The following NFATC3 variants were observed in gnomAD, a reference collection of about 807,000 sequenced individuals.
The protein encoded by NFATC3 is nuclear factor of activated T cells 3.
Under a neutral mutation model 98.6 loss-of-function variants are expected in NFATC3, and 46 were observed. The ratio of observed to expected loss-of-function variants is 0.47; its 90% CI spans 0.37 to 0.60. The LOEUF is 0.60. NFATC3 is among the 20% of genes least tolerant of loss of function. The pLI, the probability that NFATC3 is intolerant of heterozygous loss-of-function variation, is 0.00. For missense variants in NFATC3, 1,256 were observed against 1,295.5 expected, an observed-to-expected ratio of 0.97 and a Z score of 0.47; for synonymous variants, 512 against 472.2, an observed-to-expected ratio of 1.08 and a Z score of -1.09.
chr16:68,134,209 T>C (rs531293609), intron 3 of NFATC3, among the ~76,000 whole-genome samples: 64 of 152,350 alleles, frequency 4.2e-4, no homozygotes, highest in South Asian at 6.2e-4. Flanking sequence ...TTTTGAACTT[T>C]TTGTGATAGT....
At chr16:68,137,418 T>C (rs1433961834) in intron 3 of NFATC3, among the ~76,000 whole-genome samples, 1 of 152,156 alleles carries the variant, frequency 6.6e-6, no homozygotes, top group Non-Finnish European at 1.5e-5. Context: ...ACCACCATTA[T>C]ATACGGTCTG....
At chr16:68,114,389 C>T (rs1033141738) in intron 1 of NFATC3, among the ~76,000 whole-genome samples, 10 of 152,252 alleles carry the variant, frequency 6.6e-5, no homozygotes, top group African/African-American at 2.4e-4. Context: ...GCCATCTTGG[C>T]TCCTCCTGCC....
At chr16:68,156,902 A>G (rs996423169) in intron 3 of NFATC3, among the ~76,000 whole-genome samples, 1 of 151,984 alleles carries the variant, frequency 6.6e-6, no homozygotes, top group African/African-American at 2.4e-5. Context: ...TCGTACCACT[A>G]TACTCCAGCC....
chr16:68,177,032 C>CTTTTTTTTTTTTTTT (rs548092276), intron 6 of NFATC3, among the ~76,000 whole-genome samples: 39 of 133,068 alleles, frequency 2.9e-4, no homozygotes, highest in Admixed American at 3.8e-4. Flanking sequence ...CTTTTCTTTT[C>CTTTTTTTTTTTTTTT]TTTTTTTTTT....
intron 9 of NFATC3, among the ~76,000 whole-genome samples, chr16:68,223,894 CAAAAA>C (rs1190287100): frequency 1.7e-5 from 1 of 58,322 alleles, no homozygotes; most frequent in Non-Finnish European, 3.5e-5. Context: ...GACTCCATCT[CAAAAA>C]AAAAAAAAAA....
In NFATC3 at chr16:68,226,184, G is replaced by A. The variant is rs59658973; in HGVS notation, c.3107-166G>A. ...GGTCCAGAGTAGTTTGTGGAGCGATGTTTCCATCTCTAATGCCACTCAGCT... is the reference window on the plus strand; with the variant it reads ...GGTCCAGAGTAGTTTGTGGAGCGATATTTCCATCTCTAATGCCACTCAGCT... On this transcript the variant is annotated intron_variant, in intron 9 of 9. Coordinates refer to ENST00000346183, the MANE Select transcript of NFATC3 (RefSeq NM_173165.3). 1.5e-3 allele frequency: 1,090 copies of A among 716,834 alleles called. 12 individuals are homozygous for A. In the African/African-American group the frequency reaches 0.017, roughly 11 times the overall value. 44.4% of individuals were successfully genotyped at this position (716,834 alleles called of 1,614,324 possible).
At chr16:68,179,903 G>A (rs950560534) in intron 6 of NFATC3, among the ~76,000 whole-genome samples, 1 of 152,216 alleles carries the variant, frequency 6.6e-6, no homozygotes, top group African/African-American at 2.4e-5. Flanking sequence ...TAAGTGCACA[G>A]TATGGGAACA....
chr16:68,177,950 A>G (rs1289686555), intron 6 of NFATC3, among the ~76,000 whole-genome samples: 2 of 152,110 alleles, frequency 1.3e-5, no homozygotes, highest in South Asian at 2.1e-4. Context: ...ACAGCCAGCT[A>G]CTTACTCTCC....
chr16:68,180,982 T>C (rs573240914), intron 6 of NFATC3, among the ~76,000 whole-genome samples: 3 of 152,366 alleles, frequency 2.0e-5, no homozygotes, highest in South Asian at 2.1e-4. Flanking sequence ...CATGTGTCTT[T>C]ATAGCAGCAT....
Position 68,191,686 on chromosome 16 carries a change from A to T in NFATC3, c.3017A>T (p.Asp1006Val). ...TGTGATCCAGCGTCATTTCCACCTG[A>T]TGGGGCAACTGTGAGCATTAAACCT... ...SLCDPASFPPDGATVSIKPEP... is the reference protein window; with the variant it reads ...SLCDPASFPPVGATVSIKPEP... Residue 1006 changes from aspartate (D) to valine (V), a missense_variant, in exon 9 of 10, where the codon GAT (aspartate) becomes GTT (valine). Asp to Val is a radical substitution (Grantham distance 152, BLOSUM62 -3). Coordinates refer to ENST00000346183, the MANE Select transcript of NFATC3 (RefSeq NM_173165.3). 6.2e-7 allele frequency: 1 copy of T among 1,614,108 alleles called. No individual in the cohort carries two copies. Among genetic ancestry groups the T allele is most frequent in the Non-Finnish European group, 8.5e-7 (1 of 1,180,026 alleles).
intron 7 of NFATC3, among the ~76,000 whole-genome samples, chr16:68,182,049 G>A (rs2151626794): frequency 6.6e-6 from 1 of 152,230 alleles, no homozygotes; most frequent in South Asian, 2.1e-4. Flanking sequence ...ATATAGGGAA[G>A]GAGAAACTAG....
chr16:68,110,085 A>G (rs941654018), intron 1 of NFATC3, among the ~76,000 whole-genome samples: 4 of 151,882 alleles, frequency 2.6e-5, no homozygotes, highest in Admixed American at 1.3e-4. Context: ...GCTCACTGCA[A>G]CCTCCACCTC....
At chr16:68,226,019 T>A (rs767140392) in intron 9 of NFATC3, 1 of 178,392 alleles carries the variant, frequency 5.6e-6, no homozygotes, top group Non-Finnish European at 1.2e-5. Flanking sequence ...GGAGGTGGCA[T>A]TGTAGAAAAT....
chr16:68,222,588 C>G (rs973488037), intron 9 of NFATC3, among the ~76,000 whole-genome samples: 4 of 152,180 alleles, frequency 2.6e-5, no homozygotes, highest in African/African-American at 9.6e-5. Flanking sequence ...AAAATACACA[C>G]TGTGAAAATC....
At chr16:68,134,735 A>G (rs1346164235) in intron 3 of NFATC3, among the ~76,000 whole-genome samples, 1 of 152,056 alleles carries the variant, frequency 6.6e-6, no homozygotes, top group African/African-American at 2.4e-5. Context: ...GATACCTTTT[A>G]TCAGACTAAG....
chr16:68,225,034 C>G (rs1167848306), intron 9 of NFATC3: 1 of 152,188 alleles, frequency 6.6e-6, no homozygotes, highest in Non-Finnish European at 1.5e-5. Context: ...CTCACCGCAA[C>G]CTCCGCCTCC....
At chr16:68,114,981 T>C (rs1233815833) in intron 1 of NFATC3, among the ~76,000 whole-genome samples, 1 of 152,224 alleles carries the variant, frequency 6.6e-6, no homozygotes, top group Non-Finnish European at 1.5e-5. Context: ...GAAAGGCTAA[T>C]AGTCTTGTAA....
chr16:68,179,381 C>T (rs2039861464), intron 6 of NFATC3, among the ~76,000 whole-genome samples: 1 of 152,224 alleles, frequency 6.6e-6, no homozygotes, highest in Non-Finnish European at 1.5e-5. Flanking sequence ...GTGTCTGGCA[C>T]ATAAGGATCC....
At chr16:68,124,277 ATTTT>A (rs1245774290) in intron 2 of NFATC3, among the ~76,000 whole-genome samples, 5 of 151,090 alleles carry the variant, frequency 3.3e-5, no homozygotes, top group Admixed American at 1.3e-4. Context: ...ATTTAAAAAA[ATTTT>A]TTTTGTTTTT....
Sources: gnomAD v4.1 joint callset for allele counts (sites outside exome capture counted in the v4.1 genomes callset) on GRCh38, gnomAD v4.1.1 for gene constraint, MANE v1.5 for transcripts, NCBI Gene and HGNC (gene_info 2026-07-23, HGNC 2026-07-21) for gene names.